The following ZNF107 variants were observed in gnomAD, a reference collection of about 807,000 sequenced individuals.
ZNF107 encodes the protein zinc finger protein 107, also known as C2H2 type zinc-finger protein.
Under a neutral mutation model 12.3 loss-of-function variants are expected in ZNF107, and 19 were observed. That is an observed-to-expected ratio of 1.55 (90% CI 1.08 to 2.27). The LOEUF (loss-of-function observed/expected upper bound fraction) is 2.27. Ranked by LOEUF, ZNF107 falls within the 30% of genes most tolerant of loss-of-function variation. ZNF107 has a pLI of 0.00. For synonymous variants in ZNF107, 317 were observed against 330.5 expected, an observed-to-expected ratio of 0.96 and a Z score of 0.44; for missense variants, 958 against 979.9, an observed-to-expected ratio of 0.98 and a Z score of 0.30.
intron 3 of ZNF107, among the ~76,000 whole-genome samples, chr7:64,704,628 G>T (rs1306812253): frequency 6.6e-6 from 1 of 152,096 alleles, no homozygotes; most frequent in Admixed American, 6.6e-5. Context: ...CAGTATCTTT[G>T]ATATGTAGGG....
chr7:64,679,924 C>T (rs1278814272), intron 1 of ZNF107, among the ~76,000 whole-genome samples: 2 of 152,066 alleles, frequency 1.3e-5, no homozygotes, highest in African/African-American at 4.8e-5. Flanking sequence ...CTCAAATTCT[C>T]CTTCTGTCCC....
chr7:64,669,045 T>A (rs2128955188), intron 1 of ZNF107: 1 of 139,180 alleles, frequency 7.2e-6, no homozygotes, highest in Admixed American at 7.6e-5. Flanking sequence ...AGATGGAGTC[T>A]CGCTCTGTTG....
rs1347501736 is a variant in ZNF107 at position 64,711,198 on chromosome 7, C to T, written c.*2542C>T. 2 of 152,138 alleles carry T rather than the reference C, an allele frequency of 1.3e-5. No homozygotes were observed. The highest frequency in any genetic ancestry group is 2.9e-5 in the Non-Finnish European group (2 of 68,002). The allele number at this position is 152,138 out of a possible 1,614,324, so 9.4% of individuals were successfully genotyped here. A position where few individuals can be genotyped will look rare whatever the true frequency, so the allele number is the denominator to read the frequency against. ...ACTACTTGATAACATAATGGGCTAA[C>T]ATCTCTAATAATTATTTTTGCTAGT... On this transcript the variant is annotated 3_prime_UTR_variant, in exon 4 of 4. Transcript: ENST00000620827.
Position 64,704,121 on chromosome 7 carries a change from G to A in ZNF107, c.227-2203G>A, listed in dbSNP as rs1466138412. On this transcript the variant is annotated intron_variant, in intron 3 of 3. Transcript: ENST00000620827. ...ATATTTATATGTTGTATATTCATTA[G>A]CAGGTGTTTATAATAATTCCTGTGC... 1.4e-5 allele frequency among the ~76,000 whole-genome samples: 2 copies of A among 141,200 alleles called. 1 individual carries two copies. Among genetic ancestry groups the A allele is most frequent in the South Asian group, 4.7e-4 (2 of 4,248 alleles). The allele number at this position is 141,200 out of a possible 152,430, so 92.6% of individuals were successfully genotyped here. A position where few individuals can be genotyped will look rare whatever the true frequency, so the allele number is the denominator to read the frequency against.
At chr7:64,679,580 T>G (rs1165978898) in intron 1 of ZNF107, among the ~76,000 whole-genome samples, 1 of 152,166 alleles carries the variant, frequency 6.6e-6, no homozygotes, top group Non-Finnish European at 1.5e-5. Context: ...CCTGTCTCTC[T>G]GTTTCTTCAG....
At chr7:64,705,882 T>G (rs1214919578) in intron 3 of ZNF107, among the ~76,000 whole-genome samples, 2 of 151,964 alleles carry the variant, frequency 1.3e-5, no homozygotes, top group African/African-American at 4.8e-5. Flanking sequence ...GCCCTCTATG[T>G]CATGGGAGAC....
Position 64,708,566 on chromosome 7 carries a change from C to A in ZNF107, c.2469C>A (p.Gly823=), listed in dbSNP as rs769025189. The A allele has an allele frequency of 2.5e-6, 4 of 1,612,318 alleles. No individual in the cohort carries two copies. The South Asian group carries it at 3.3e-5, about 13-fold the overall frequency. ...AACCCTACAAATGTGGAGATTATGG[C>A]AGAGCTTTCAACCTATCCTCAAATC... ...GEKPYKCGDY[G]RAFNLSSNLT... The change falls in exon 4 of 4, where the codon GGC becomes GGA. Residue 823 remains glycine, a synonymous_variant. Transcript: ENST00000620827.
At chr7:64,683,894 T>G (rs1789791204) in intron 1 of ZNF107, among the ~76,000 whole-genome samples, 1 of 152,202 alleles carries the variant, frequency 6.6e-6, no homozygotes, top group Non-Finnish European at 1.5e-5. Flanking sequence ...GGTCGAGGCC[T>G]TCCCTACTGG....
chr7:64,692,001 G>C lies in ZNF107; in HGVS notation c.226+41G>C, dbSNP rs779267944. 3 of 1,339,214 alleles carry C rather than the reference G, an allele frequency of 2.2e-6. No individual in the cohort carries two copies. In the South Asian group the frequency reaches 4.5e-5, roughly 20 times the overall value. 83.0% of individuals were successfully genotyped at this position (1,339,214 alleles called of 1,614,324 possible). On this transcript the variant is annotated intron_variant, in intron 3 of 3. Coordinates refer to ENST00000620827, the MANE Select transcript of ZNF107 (RefSeq NM_001282359.2). ...AGTGAATACAACAGATGACAAAGAT[G>C]AAAGGTCAAAGGTCAAAGAAAAAGC... is the stretch of plus-strand genomic sequence containing the variant.
At chr7:64,694,120 C>A (rs547606783) in intron 3 of ZNF107, among the ~76,000 whole-genome samples, 3 of 152,314 alleles carry the variant, frequency 2.0e-5, no homozygotes, top group African/African-American at 7.2e-5. Flanking sequence ...CAGAACTGAC[C>A]ATGAACTGTG....
chr7:64,677,776 C>T lies in ZNF107; in HGVS notation c.3+11491C>T, dbSNP rs187318223. On this transcript the variant is annotated intron_variant, in intron 1 of 3. Coordinates refer to ENST00000620827, the MANE Select transcript of ZNF107 (RefSeq NM_001282359.2). ...CTGAGGCAGGAGAATGGTGTGAACCCGCAAGGCGGGGCTTGCAGTGAGCCA... is the reference window on the plus strand; with the variant it reads ...CTGAGGCAGGAGAATGGTGTGAACCTGCAAGGCGGGGCTTGCAGTGAGCCA... 5.1e-3 allele frequency among the ~76,000 whole-genome samples: 773 copies of T among 150,596 alleles called. 5 individuals carry two copies. The highest frequency in any genetic ancestry group is 0.031 in the Admixed American group (473 of 15,108).
Position 64,706,651 on chromosome 7 carries a change from T to C in ZNF107, c.554T>C (p.Leu185Pro). Residue 185 changes from leucine (L) to proline (P), a missense_variant, in exon 4 of 4, where the codon CTT becomes CCT. Transcript: ENST00000620827. ...GAATGTAGCAAATCATTTTGCGTGC[T>C]TTCACAACTAACTCAGCATAGAAGA... Reference protein sequence around the residue: ...CKECSKSFCVLSQLTQHRRIH... With the variant: ...CKECSKSFCVPSQLTQHRRIH... 1.2e-6 allele frequency: 2 copies of C among 1,613,536 alleles called. No homozygotes were observed. The highest frequency in any genetic ancestry group is 1.7e-6 in the Non-Finnish European group (2 of 1,179,670).
In ZNF107 at chr7:64,708,594, A is replaced by G. The variant is rs770218122; in HGVS notation, c.2497A>G (p.Thr833Ala). The stretch of plus-strand genomic sequence containing the variant: ...AGCTTTCAACCTATCCTCAAATCTT[A>G]CTACACATAAGAAAATTCATACTGG... Reference protein sequence around the residue: ...GRAFNLSSNLTTHKKIHTGEK... With the variant: ...GRAFNLSSNLATHKKIHTGEK... The change falls in exon 4 of 4, where the codon ACT becomes GCT. Residue 833 changes from threonine to alanine, a missense_variant. Physicochemically the swap from Thr to Ala is moderately conservative, Grantham distance 58 (BLOSUM62 0). Coordinates refer to ENST00000620827, the MANE Select transcript of ZNF107 (RefSeq NM_001282359.2). 3.7e-6 allele frequency: 6 copies of G among 1,611,430 alleles called. No homozygotes were observed. Among genetic ancestry groups the G allele is most frequent in the East Asian group, 2.2e-5 (1 of 44,714 alleles).
chr7:64,697,152 C>A (rs573525027), intron 3 of ZNF107, among the ~76,000 whole-genome samples: 2 of 152,176 alleles, frequency 1.3e-5, no homozygotes, highest in East Asian at 3.9e-4. Context: ...TGAACTCATC[C>A]TTTTTTATGG....
rs1790731795 is a variant in ZNF107 at position 64,707,916 on chromosome 7, C to T, written c.1819C>T (p.His607Tyr). ...TGGCAAGGCCTTTAAACAGTCCTCA[C>T]ACCGTACTATACATAAAATTATTCA... ...EFGKAFKQSSHRTIHKIIHTG... is the reference protein window; with the variant it reads ...EFGKAFKQSSYRTIHKIIHTG... The change falls in exon 4 of 4, where the codon CAC becomes TAC. Residue 607 changes from histidine to tyrosine, a missense_variant. Coordinates refer to ENST00000620827, the MANE Select transcript of ZNF107 (RefSeq NM_001282359.2). 1 of 1,612,478 alleles carries T rather than the reference C, an allele frequency of 6.2e-7. No homozygotes were observed. Among genetic ancestry groups the T allele is most frequent in the Non-Finnish European group, 8.5e-7 (1 of 1,179,428 alleles).
At position 64,709,356 on chromosome 7, in the gene ZNF107, T is replaced by C. The variant is rs754791319; in HGVS notation, c.*700T>C. On this transcript the variant is annotated 3_prime_UTR_variant, in exon 4 of 4. Transcript: ENST00000620827. ...TCACACCTTGCTACATATAAGACAGTTTATACTTTGAGAGAAACCCTGCAA... is the reference window on the plus strand; with the variant it reads ...TCACACCTTGCTACATATAAGACAGCTTATACTTTGAGAGAAACCCTGCAA... The C allele has an allele frequency of 8.2e-5, 28 of 340,514 alleles. No individual in the cohort carries two copies. The highest frequency in any genetic ancestry group is 1.5e-4 in the Non-Finnish European group (27 of 176,470). 21.1% of individuals were successfully genotyped at this position (340,514 alleles called of 1,614,324 possible). A position where few individuals can be genotyped will look rare whatever the true frequency, so the allele number is the denominator to read the frequency against.
At chr7:64,699,806 C>T (rs1282567784) in intron 3 of ZNF107, among the ~76,000 whole-genome samples, 1 of 152,026 alleles carries the variant, frequency 6.6e-6, no homozygotes, top group Non-Finnish European at 1.5e-5. Context: ...TGGTGGCTCA[C>T]GCCTGTAATC....
chr7:64,676,063 G>A (rs1008804540), intron 1 of ZNF107, among the ~76,000 whole-genome samples: 1 of 152,174 alleles, frequency 6.6e-6, no homozygotes, highest in Non-Finnish European at 1.5e-5. Context: ...TGTTGGTCAG[G>A]CTGGTCTCAA....
intron 1 of ZNF107, among the ~76,000 whole-genome samples, chr7:64,675,301 A>T (rs1427290911): frequency 6.6e-6 from 1 of 151,894 alleles, no homozygotes. Context: ...CTATTCAGGG[A>T]TTCAATTTCT....
Sources: allele counts gnomAD v4.1 joint callset (sites outside exome capture counted in the v4.1 genomes callset), GRCh38; gene constraint gnomAD v4.1.1; transcripts MANE v1.5; gene names NCBI Gene and HGNC (gene_info 2026-07-23, HGNC 2026-07-21).